The following ABTB2 variants were observed in gnomAD, a reference collection of about 807,000 sequenced individuals.
The protein encoded by ABTB2 is ankyrin repeat and BTB domain containing 2.
In ABTB2, 56 loss-of-function variants were observed where a neutral mutation model predicts 104.1. The ratio of observed to expected loss-of-function variants is 0.54; its 90% CI spans 0.43 to 0.67. The LOEUF (loss-of-function observed/expected upper bound fraction) is 0.67. Ranked by LOEUF, ABTB2 falls within the 30% of genes least tolerant of loss-of-function variation. The probability of loss-of-function intolerance (pLI) is 0.00; values close to 1 mark genes in which losing one functional copy is unlikely to be tolerated. For synonymous variants in ABTB2, 606 were observed against 608.2 expected, an observed-to-expected ratio of 1.00 and a Z score of 0.05; for missense variants, 1,279 against 1,407.7, an observed-to-expected ratio of 0.91 and a Z score of 1.46.
chr11:34,303,831 C>A (rs982064570), intron 1 of ABTB2, among the ~76,000 whole-genome samples: 1 of 151,718 alleles, frequency 6.6e-6, no homozygotes, highest in South Asian at 2.1e-4. Context: ...TTAGTAGAGA[C>A]GGGATTTCAC....
intron 1 of ABTB2, among the ~76,000 whole-genome samples, chr11:34,323,906 C>CTT (rs56375939): frequency 0.058 from 3,680 of 63,934 alleles, 128 homozygotes; most frequent in Non-Finnish European, 0.075. Flanking sequence ...TAAATTCCCT[C>CTT]TTTTTTTTTT....
chr11:34,346,940 T>TA (rs1280386003), intron 1 of ABTB2, among the ~76,000 whole-genome samples: 1 of 152,118 alleles, frequency 6.6e-6, no homozygotes, highest in African/African-American at 2.4e-5. Flanking sequence ...ATGTACAGAC[T>TA]AAAAAAAGTT....
At position 34,357,405 on chromosome 11, in the gene ABTB2, G is replaced by A; in HGVS notation, c.179C>T (p.Ser60Phe). Reference protein sequence around the residue: ...RGAAWWCYSGSMNSRHNSWDT... With the variant: ...RGAAWWCYSGFMNSRHNSWDT... ...CCAGCTGTTGTGGCGGCTGTTCATG[G>A]AGCCGGAGTAGCACCACCAGGCCGC... Residue 60 changes from serine (S) to phenylalanine (F), a missense_variant, in exon 1 of 17, where the codon TCC becomes TTC. Ser to Phe is a radical substitution (Grantham distance 155). Transcript: ENST00000435224. The A allele has an allele frequency of 6.5e-7, 1 of 1,547,412 alleles. No individual in the cohort carries two copies. Among genetic ancestry groups the A allele is most frequent in the Non-Finnish European group, 8.7e-7 (1 of 1,145,176 alleles).
intron 1 of ABTB2, among the ~76,000 whole-genome samples, chr11:34,293,727 T>A (rs12223270): frequency 0.29 from 39,209 of 137,388 alleles, 5,208 homozygotes; most frequent in South Asian, 0.4. Context: ...ACAAGGTAAA[T>A]TTTTTTTTTT....
At chr11:34,247,339 G>A (rs1853998001) in intron 1 of ABTB2, among the ~76,000 whole-genome samples, 1 of 152,176 alleles carries the variant, frequency 6.6e-6, no homozygotes, top group Non-Finnish European at 1.5e-5. Context: ...TTACAGTGGT[G>A]GGAAAGCCAT....
At chr11:34,263,453 G>C (rs1854212948) in intron 1 of ABTB2, among the ~76,000 whole-genome samples, 1 of 152,166 alleles carries the variant, frequency 6.6e-6, no homozygotes, top group Non-Finnish European at 1.5e-5. Context: ...CTTTTAATTA[G>C]CACACCTGAG....
chr11:34,161,088 C>T lies in ABTB2; in HGVS notation c.2219-7G>A, dbSNP rs1338861270. 1 of 1,599,266 alleles carries T rather than the reference C, an allele frequency of 6.3e-7. No individual in the cohort carries two copies. The highest frequency in any genetic ancestry group is 8.5e-7 in the Non-Finnish European group (1 of 1,171,892). ...TGCAGCTTCCAGGGGACTCCTGGTC[C>T]AGGCAGGGAAGGGCAGGCAGTCACG... On this transcript the variant is annotated splice_region_variant and splice_polypyrimidine_tract_variant and intron_variant, in intron 10 of 16. Transcript: ENST00000435224.
At chr11:34,310,685 C>G (rs1487399088) in intron 1 of ABTB2, among the ~76,000 whole-genome samples, 1 of 152,158 alleles carries the variant, frequency 6.6e-6, no homozygotes, top group African/African-American at 2.4e-5. Flanking sequence ...CACCCTCCCT[C>G]TGCTAGTCAA....
Position 34,282,965 on chromosome 11 carries a change from G to A in ABTB2, c.883+73736C>T, listed in dbSNP as rs565293086. ...GCTTTGTCGCCCAGGCTGGAGTGCAGTGGCACGATCTCGGCTCACTGCAAG... is the reference window on the plus strand; with the variant it reads ...GCTTTGTCGCCCAGGCTGGAGTGCAATGGCACGATCTCGGCTCACTGCAAG... On this transcript the variant is annotated intron_variant, in intron 1 of 16. Transcript: ENST00000435224. Among the ~76,000 whole-genome samples the A allele has an allele frequency of 5.9e-5, 9 of 151,756 alleles. No individual in the cohort carries two copies. In the South Asian group the frequency reaches 8.3e-4, roughly 14 times the overall value.
chr11:34,326,930 A>G (rs188180383), intron 1 of ABTB2, among the ~76,000 whole-genome samples: 1 of 152,182 alleles, frequency 6.6e-6, no homozygotes, highest in East Asian at 1.9e-4. Context: ...ATTATTTTGT[A>G]TTTGGGCGTG....
chr11:34,197,255 G>T, intron 3 of ABTB2, 70 bp downstream of exon 3: 1 of 1,521,574 alleles, frequency 6.6e-7, no homozygotes, highest in Non-Finnish European at 9.1e-7. Flanking sequence ...GTCAGTCAGT[G>T]TCAGTCAGTC....
At chr11:34,238,841 C>A (rs940765950) in intron 1 of ABTB2, among the ~76,000 whole-genome samples, 3 of 152,136 alleles carry the variant, frequency 2.0e-5, no homozygotes, top group African/African-American at 7.2e-5. Flanking sequence ...GCAACCTTGG[C>A]CTCCCGGGTT....
At chr11:34,337,218 G>T (rs1855201802) in intron 1 of ABTB2, among the ~76,000 whole-genome samples, 1 of 152,242 alleles carries the variant, frequency 6.6e-6, no homozygotes, top group Non-Finnish European at 1.5e-5. Context: ...GTTGAGGAAG[G>T]CCCCGATTCT....
At chr11:34,258,167 G>A (rs1430414189) in intron 1 of ABTB2, among the ~76,000 whole-genome samples, 1 of 152,120 alleles carries the variant, frequency 6.6e-6, no homozygotes, top group Non-Finnish European at 1.5e-5. Context: ...AGGGTCCCAG[G>A]GCATACTTTA....
chr11:34,331,707 C>T (rs1855132900), intron 1 of ABTB2, among the ~76,000 whole-genome samples: 1 of 152,222 alleles, frequency 6.6e-6, no homozygotes, highest in Admixed American at 6.5e-5. Context: ...CAGCCTCTTT[C>T]ACTCACCCAG....
At chr11:34,289,592 A>G (rs1460959900) in intron 1 of ABTB2, among the ~76,000 whole-genome samples, 2 of 152,184 alleles carry the variant, frequency 1.3e-5, no homozygotes, top group African/African-American at 2.4e-5. Flanking sequence ...GTAAGGAGGA[A>G]ACTAATGGCA....
intron 7 of ABTB2, among the ~76,000 whole-genome samples, chr11:34,166,799 T>C (rs955354186): frequency 6.6e-6 from 1 of 152,174 alleles, no homozygotes; most frequent in African/African-American, 2.4e-5. Context: ...GCTCGACGGG[T>C]GAGCCATGCC....
At position 34,152,004 on chromosome 11, in the gene ABTB2, T is replaced by C. The variant is rs575163111; in HGVS notation, c.*383A>G. 28 of 238,654 alleles carry C rather than the reference T, an allele frequency of 1.2e-4. No individual in the cohort carries two copies. Among genetic ancestry groups the C allele is most frequent in the African/African-American group, 5.4e-4 (24 of 44,562 alleles). The allele number at this position is 238,654 out of a possible 1,614,324, so 14.8% of individuals were successfully genotyped here. On this transcript the variant is annotated 3_prime_UTR_variant, in exon 17 of 17. Transcript: ENST00000435224. ...ATTCCTGTACCCCCAGGAGCCCCAG[T>C]TGGGATGGTCTGAGTTTACTGAGGC...
chr11:34,155,656 A>G (rs1338616676), intron 14 of ABTB2, among the ~76,000 whole-genome samples: 1 of 151,602 alleles, frequency 6.6e-6, no homozygotes, highest in Non-Finnish European at 1.5e-5. Flanking sequence ...AGGGTCTAGG[A>G]GAAGGCCCAA....
Sources: gnomAD v4.1 joint callset for allele counts (sites outside exome capture counted in the v4.1 genomes callset) on GRCh38, gnomAD v4.1.1 for gene constraint, MANE v1.5 for transcripts, NCBI Gene and HGNC (gene_info 2026-07-23, HGNC 2026-07-21) for gene names.